USP40: variants seen among roughly 807,000 people sequenced by gnomAD.
USP40 encodes the protein ubiquitin carboxyl-terminal hydrolase 40.
Under a neutral mutation model 166.2 loss-of-function variants are expected in USP40, and 143 were observed. That is an observed-to-expected ratio of 0.86 (90% CI 0.75 to 0.99). The LOEUF (loss-of-function observed/expected upper bound fraction) is 0.99, where lower values mean the gene tolerates loss of function less well. USP40 is among the 50% of genes least tolerant of loss of function. USP40 has a pLI of 0.00. For missense variants in USP40, 1,444 were observed against 1,479.7 expected, an observed-to-expected ratio of 0.98 and a Z score of 0.40; for synonymous variants, 498 against 524.0, an observed-to-expected ratio of 0.95 and a Z score of 0.68.
chr2:233,531,717 C>T (rs1559260490), intron 11 of USP40, among the ~76,000 whole-genome samples: 1 of 152,274 alleles, frequency 6.6e-6, no homozygotes, highest in East Asian at 1.9e-4. Flanking sequence ...TTAGTAACTG[C>T]TTTATTCTTA....
intron 5 of USP40, among the ~76,000 whole-genome samples, chr2:233,555,636 CT>C (rs1232616788): frequency 1.4e-3 from 175 of 129,006 alleles, no homozygotes; most frequent in East Asian, 2.7e-3. Flanking sequence ...AAAAATCACT[CT>C]TTTTTTTTTT....
At position 233,499,863 on chromosome 2, in the gene USP40, A is replaced by G. The variant is rs1181162183; in HGVS notation, c.2650+16T>C. The stretch of plus-strand genomic sequence containing the variant: ...TTAGGCTTTTAAGTAATATGTCATC[A>G]TGGTAAGTAACTTACCTTGTAGGCC... On this transcript the variant is annotated intron_variant, in intron 22 of 31. Transcript: ENST00000678225. 6.2e-7 allele frequency: 1 copy of G among 1,608,656 alleles called. No individual in the cohort carries two copies. Among genetic ancestry groups the G allele is most frequent in the Non-Finnish European group, 8.5e-7 (1 of 1,177,968 alleles).
chr2:233,566,236 A>C (rs1367999879), intron 1 of USP40, among the ~76,000 whole-genome samples: 5 of 152,148 alleles, frequency 3.3e-5, no homozygotes, highest in Non-Finnish European at 7.4e-5. Context: ...GTATGTATCC[A>C]CTAATCCCAT....
intron 30 of USP40, among the ~76,000 whole-genome samples, chr2:233,482,760 C>T (rs1190462501): frequency 1.3e-5 from 2 of 152,100 alleles, no homozygotes; most frequent in Non-Finnish European, 2.9e-5. Context: ...TCTCAAACTC[C>T]CGAGTGCAAG....
At chr2:233,563,356 T>C (rs1213737746) in intron 2 of USP40, among the ~76,000 whole-genome samples, 1 of 152,200 alleles carries the variant, frequency 6.6e-6, no homozygotes, top group Non-Finnish European at 1.5e-5. Context: ...CTAGGTGATG[T>C]GCCACCCAAT....
At chr2:233,479,585 A>G (rs1027362789) in intron 31 of USP40, among the ~76,000 whole-genome samples, 1 of 150,848 alleles carries the variant, frequency 6.6e-6, no homozygotes, top group Non-Finnish European at 1.5e-5. Context: ...AATTTGGAAA[A>G]CAGTATTTTA....
At chr2:233,489,320 G>A (rs373837089) in intron 27 of USP40, 45 bp downstream of exon 27, 67 of 1,508,836 alleles carry the variant, frequency 4.4e-5, no homozygotes, top group Admixed American at 9.8e-5. Flanking sequence ...CAGCCAGTGC[G>A]TCAGCAGCAG....
chr2:233,499,812 GA>G (rs1248908949), intron 22 of USP40, 66 bp downstream of exon 22: 76 of 1,427,028 alleles, frequency 5.3e-5, no homozygotes, highest in Admixed American at 1.3e-4. Flanking sequence ...CAACCCTGGA[GA>G]AAAAAAAAGT....
chr2:233,548,000 G>A (rs192851733), intron 8 of USP40, among the ~76,000 whole-genome samples: 31 of 152,120 alleles, frequency 2.0e-4, no homozygotes, highest in African/African-American at 7.5e-4. Flanking sequence ...TTGACAATGT[G>A]GTATTTGCCC....
At chr2:233,490,998 G>C in intron 26 of USP40, 169 bp downstream of exon 26, 1 of 717,346 alleles carries the variant, frequency 1.4e-6, no homozygotes. Context: ...GGAGCCGTCT[G>C]CACCATGGGC....
chr2:233,532,150 A>G (rs1369220020), intron 11 of USP40, among the ~76,000 whole-genome samples: 3 of 152,152 alleles, frequency 2.0e-5, no homozygotes, highest in Non-Finnish European at 4.4e-5. Flanking sequence ...AACAAATAAG[A>G]CTGAGCAACA....
At chr2:233,540,591 G>T in intron 10 of USP40, 71 bp downstream of exon 10, 1 of 893,674 alleles carries the variant, frequency 1.1e-6, no homozygotes, top group Non-Finnish European at 1.8e-6. Flanking sequence ...TTCTGCAAAG[G>T]AATTCATGTT....
intron 31 of USP40, among the ~76,000 whole-genome samples, chr2:233,479,736 AC>A (rs2064439402): frequency 6.6e-6 from 1 of 151,784 alleles, no homozygotes; most frequent in Non-Finnish European, 1.5e-5. Context: ...CTCTGAGGGC[AC>A]CAGGACCTGA....
At position 233,549,246 on chromosome 2, in the gene USP40, C is replaced by A. The variant is rs2125345751; in HGVS notation, c.838-17G>T. On this transcript the variant is annotated splice_polypyrimidine_tract_variant and intron_variant, in intron 7 of 31. Transcript: ENST00000678225. ...CAATTCACTCTAAAAGAAAAAAGAA[C>A]AAAAATATTGATATAGTTTTCATAA... 7.7e-7 allele frequency: 1 copy of A among 1,301,846 alleles called. No individual in the cohort carries two copies. Among genetic ancestry groups the A allele is most frequent in the Non-Finnish European group, 1.0e-6 (1 of 958,102 alleles). 80.6% of individuals were successfully genotyped at this position (1,301,846 alleles called of 1,614,324 possible). A position where few individuals can be genotyped will look rare whatever the true frequency, so the allele number is the denominator to read the frequency against.
intron 3 of USP40, among the ~76,000 whole-genome samples, chr2:233,560,309 C>G (rs1361456749): frequency 1.3e-5 from 2 of 152,148 alleles, no homozygotes; most frequent in African/African-American, 4.8e-5. Context: ...AATACTGTAT[C>G]TCGCTCTGGA....
intron 8 of USP40, among the ~76,000 whole-genome samples, chr2:233,547,415 C>T (rs191241222): frequency 1.1e-4 from 16 of 152,194 alleles, no homozygotes; most frequent in East Asian, 3.9e-4. Flanking sequence ...GAAATACAGA[C>T]GAACACTTTG....
At chr2:233,511,842 C>A in intron 19 of USP40, 45 bp from the exon 20 acceptor site, 1 of 1,420,262 alleles carries the variant, frequency 7.0e-7, no homozygotes, top group Non-Finnish European at 9.6e-7. Flanking sequence ...TAATTCCTAG[C>A]TCTCTAAGAA....
At chr2:233,565,966 C>T (rs1268113041) in intron 1 of USP40, among the ~76,000 whole-genome samples, 1 of 151,418 alleles carries the variant, frequency 6.6e-6, no homozygotes, top group African/African-American at 2.5e-5. Flanking sequence ...GTTGCCACAA[C>T]TAATCCACTG....
chr2:233,529,601 T>TC (rs397798564), intron 11 of USP40, 89 bp from the exon 12 acceptor site: 3 of 711,836 alleles, frequency 4.2e-6, no homozygotes, highest in Admixed American at 1.0e-4. Context: ...AGGACTGTCC[T>TC]AGGAGCTAGG....
Sources: allele counts gnomAD v4.1 joint callset (sites outside exome capture counted in the v4.1 genomes callset), GRCh38; gene constraint gnomAD v4.1.1; transcripts MANE v1.5; gene names NCBI Gene and HGNC (gene_info 2026-07-23, HGNC 2026-07-21).